The following CDH12 variants were observed in gnomAD, a reference collection of about 807,000 sequenced individuals.
CDH12 encodes the protein cadherin-12.
A neutral mutation model predicts 74.1 loss-of-function variants in CDH12; 41 were observed. That is an observed-to-expected ratio of 0.55 (90% confidence interval 0.43 to 0.72). The LOEUF is 0.72. Ranked by LOEUF, CDH12 falls within the 30% of genes least tolerant of loss-of-function variation. The pLI, the probability that CDH12 is intolerant of heterozygous loss-of-function variation, is 0.00. For synonymous variants in CDH12, 399 were observed against 355.0 expected, an observed-to-expected ratio of 1.12 and a Z score of -1.39; for missense variants, 945 against 977.2, an observed-to-expected ratio of 0.97 and a Z score of 0.44.
chr5:21,791,152 T>C (rs564493655), intron 10 of CDH12, among the ~76,000 whole-genome samples: 52 of 152,172 alleles, frequency 3.4e-4, no homozygotes, highest in Admixed American at 2.2e-3. Flanking sequence ...ACAGGCCTAA[T>C]ACTAGCTCCT....
intron 6 of CDH12, among the ~76,000 whole-genome samples, chr5:21,869,015 G>A (rs1751479724): frequency 6.6e-6 from 1 of 152,244 alleles, no homozygotes; most frequent in African/African-American, 2.4e-5. Flanking sequence ...TAGTTCCAGA[G>A]AAAGGAATGC....
At chr5:21,931,539 CAT>C (rs1453663903) in intron 6 of CDH12, among the ~76,000 whole-genome samples, 2 of 152,128 alleles carry the variant, frequency 1.3e-5, no homozygotes, top group Admixed American at 1.3e-4. Context: ...CAAAATGTCA[CAT>C]GTTTTTTCAA....
chr5:21,970,861 A>G (rs1756819089), intron 6 of CDH12, among the ~76,000 whole-genome samples: 3 of 148,896 alleles, frequency 2.0e-5, no homozygotes, highest in African/African-American at 2.4e-5. Flanking sequence ...AAAAAAAAAA[A>G]AAAAAAAAAA....
chr5:22,767,614 A>G (rs1442782751), intron 1 of CDH12, among the ~76,000 whole-genome samples: 1 of 151,896 alleles, frequency 6.6e-6, no homozygotes, highest in Non-Finnish European at 1.5e-5. Context: ...TGGAATATTT[A>G]TTTATGGATT....
chr5:22,773,566 C>T (rs1190578769), intron 1 of CDH12, among the ~76,000 whole-genome samples: 1 of 151,996 alleles, frequency 6.6e-6, no homozygotes, highest in East Asian at 1.9e-4. Flanking sequence ...ACCTAGGAAA[C>T]ACCATTTTGC....
intron 1 of CDH12, among the ~76,000 whole-genome samples, chr5:22,530,202 T>C (rs1737525351): frequency 6.6e-6 from 1 of 152,194 alleles, no homozygotes; most frequent in Non-Finnish European, 1.5e-5. Context: ...AACTCATCTT[T>C]ATTCTAGAAA....
At chr5:22,647,283 C>G (rs551725303) in intron 1 of CDH12, among the ~76,000 whole-genome samples, 6 of 151,758 alleles carry the variant, frequency 4.0e-5, no homozygotes, top group Admixed American at 2.0e-4. Flanking sequence ...TAAGGACTGG[C>G]TCATTGTTAA....
chr5:22,707,232 C>A (rs1384142909), intron 1 of CDH12, among the ~76,000 whole-genome samples: 1 of 152,162 alleles, frequency 6.6e-6, no homozygotes, highest in Non-Finnish European at 1.5e-5. Flanking sequence ...GTTGAACATA[C>A]AGACTAATTG....
intron 1 of CDH12, among the ~76,000 whole-genome samples, chr5:22,576,055 A>G (rs1028475029): frequency 6.6e-6 from 1 of 152,076 alleles, no homozygotes; most frequent in African/African-American, 2.4e-5. Context: ...TTGGTAAACA[A>G]CTACTTCCCA....
intron 10 of CDH12, among the ~76,000 whole-genome samples, chr5:21,800,264 TAGAAG>T (rs1747037422): frequency 6.6e-6 from 1 of 152,132 alleles, no homozygotes; most frequent in Non-Finnish European, 1.5e-5. Context: ...TAATTAATAT[TAGAAG>T]AAGTTGAGAC....
chr5:22,717,211 TC>T (rs1743622622), intron 1 of CDH12, among the ~76,000 whole-genome samples: 4 of 152,250 alleles, frequency 2.6e-5, no homozygotes, highest in Middle Eastern at 3.4e-3. Context: ...TACTGCAAGC[TC>T]CATTCATGGT....
chr5:22,122,467 G>T (rs1172701346), intron 4 of CDH12, among the ~76,000 whole-genome samples: 1 of 152,046 alleles, frequency 6.6e-6, no homozygotes. Flanking sequence ...GGCCCCACAA[G>T]ATCTTCCGAA....
intron 4 of CDH12, among the ~76,000 whole-genome samples, chr5:22,130,507 AT>A (rs1746123074): frequency 6.6e-6 from 1 of 152,108 alleles, no homozygotes; most frequent in Non-Finnish European, 1.5e-5. Flanking sequence ...GTTTATTTTC[AT>A]TTTTTAGTCA....
intron 1 of CDH12, among the ~76,000 whole-genome samples, chr5:22,575,717 A>G (rs1278593858): frequency 1.3e-5 from 2 of 151,880 alleles, no homozygotes; most frequent in Non-Finnish European, 2.9e-5. Flanking sequence ...GGTGTGTGCC[A>G]CCACTCCTTT....
rs111469165 is a variant in CDH12 at position 22,308,817 on chromosome 5, C to T, written c.-332-96174G>A. On this transcript the variant is annotated intron_variant, in intron 3 of 14. Transcript: ENST00000382254. ...ACAAGGGCAAATACACAAACACACA[C>T]ACACACACACACACACACACACACA... Among the ~76,000 whole-genome samples, 439 of 141,532 alleles carry T rather than the reference C, an allele frequency of 3.1e-3. 7 individuals are homozygous for T. The highest frequency in any genetic ancestry group is 0.011 in the African/African-American group (390 of 35,058). 92.9% of individuals were successfully genotyped at this position (141,532 alleles called of 152,430 possible).
At chr5:22,158,544 A>G (rs1748157984) in intron 4 of CDH12, among the ~76,000 whole-genome samples, 1 of 152,054 alleles carries the variant, frequency 6.6e-6, no homozygotes, top group South Asian at 2.1e-4. Flanking sequence ...CACAGGAGCA[A>G]ATAAAAAGCT....
chr5:22,255,953 T>C (rs1453112780), intron 3 of CDH12, among the ~76,000 whole-genome samples: 1 of 152,052 alleles, frequency 6.6e-6, no homozygotes, highest in African/African-American at 2.4e-5. Context: ...GAATTTAACC[T>C]TTATTCTATT....
chr5:22,774,004 G>C (rs936506044), intron 1 of CDH12, among the ~76,000 whole-genome samples: 11 of 152,116 alleles, frequency 7.2e-5, no homozygotes, highest in African/African-American at 2.7e-4. Context: ...TGGTAAGGCT[G>C]TGGAGGGAAA....
chr5:22,272,264 A>C (rs1736434001), intron 3 of CDH12, among the ~76,000 whole-genome samples: 1 of 152,212 alleles, frequency 6.6e-6, no homozygotes, highest in Admixed American at 6.5e-5. Context: ...AACCTCTGTT[A>C]GATTCCAACT....
Sources: gnomAD v4.1 joint callset for allele counts (sites outside exome capture counted in the v4.1 genomes callset) on GRCh38, gnomAD v4.1.1 for gene constraint, MANE v1.5 for transcripts, NCBI Gene and HGNC (gene_info 2026-07-23, HGNC 2026-07-21) for gene names.